The following ZNF469 variants were observed in gnomAD, a reference collection of about 807,000 sequenced individuals.
ZNF469 encodes the protein zinc finger protein 469.
ZNF469 carries 1 observed loss-of-function variant against 1.0 expected under a neutral mutation model. That is an observed-to-expected ratio of 1.00 (90% CI 0.35 to 4.73). ZNF469 has a LOEUF of 4.73. Ranked by LOEUF, ZNF469 falls within the 30% of genes most tolerant of loss-of-function variation. ZNF469 has a pLI of 0.16. For synonymous variants in ZNF469, 2,703 were observed against 2,363.4 expected (o/e 1.14, Z -4.17); for missense variants, 6,100 against 5,356.3 (o/e 1.14, Z -4.33).
chr16:88,331,643 A>ATCATCACCACCATCATCATCT, the ZNF469 span, among the ~76,000 whole-genome samples: 2 of 151,580 alleles, frequency 1.3e-5, no homozygotes, highest in African/African-American at 4.9e-5. Flanking sequence ...CACCGCCATC[A>ATCATCACCACCATCATCATCT]TCATCACCAC....
chr16:88,215,710 TA>T, the ZNF469 span, among the ~76,000 whole-genome samples: 19 of 151,432 alleles, frequency 1.3e-4, no homozygotes, highest in Non-Finnish European at 1.9e-4. Context: ...TTTAAATCAA[TA>T]AAAAAAAATT....
At chr16:88,313,495 C>G in the ZNF469 span, among the ~76,000 whole-genome samples, 19 of 151,944 alleles carry the variant, frequency 1.3e-4, no homozygotes, top group Non-Finnish European at 2.4e-4. Flanking sequence ...TGGACTGTCT[C>G]TGTAATTAAG....
chr16:88,177,705 CTTTTA>C, the ZNF469 span: 3 of 152,074 alleles, frequency 2.0e-5, no homozygotes, highest in Non-Finnish European at 4.4e-5. The surrounding 1 kb of genome is among the most constrained non-coding windows in gnomAD (Gnocchi z 4.8). Flanking sequence ...GGGCCTCGTA[CTTTTA>C]TTTTTTTATT....
At chr16:88,380,396 C>A (rs1183225588), upstream of ZNF469, among the ~76,000 whole-genome samples, 1,017 of 112,570 alleles carry the variant, frequency 9.0e-3, 49 homozygotes, top group Non-Finnish European at 0.012. Flanking sequence ...CACAGACACG[C>A]CCTCACACAG....
At chr16:88,280,545 G>T in the ZNF469 span, among the ~76,000 whole-genome samples, 1 of 151,310 alleles carries the variant, frequency 6.6e-6, no homozygotes, top group African/African-American at 2.4e-5. Flanking sequence ...GGTTGGTGCT[G>T]TGCCACGCTG....
At chr16:88,109,772 G>C in the ZNF469 span, among the ~76,000 whole-genome samples, 3 of 151,716 alleles carry the variant, frequency 2.0e-5, no homozygotes, top group African/African-American at 7.3e-5. Flanking sequence ...TCCGGGATCA[G>C]GAGGTGCTGT....
chr16:88,217,229 T>C, the ZNF469 span, among the ~76,000 whole-genome samples: 1 of 152,048 alleles, frequency 6.6e-6, no homozygotes, highest in Non-Finnish European at 1.5e-5. Context: ...TACCCTTCCT[T>C]GTGCTAGGAT....
the ZNF469 span, among the ~76,000 whole-genome samples, chr16:88,249,016 G>T: frequency 5.3e-5 from 8 of 152,112 alleles, no homozygotes; most frequent in East Asian, 1.9e-4. Context: ...GTCTTGCAAG[G>T]CCCCTGGCTG....
chr16:88,334,084 A>G, the ZNF469 span, among the ~76,000 whole-genome samples: 2 of 148,884 alleles, frequency 1.3e-5, no homozygotes, highest in Non-Finnish European at 3.0e-5. Flanking sequence ...GTGTGTGTCT[A>G]TGTGCATGTG....
chr16:88,381,682 G>A (rs761650792), upstream of ZNF469, among the ~76,000 whole-genome samples: 16 of 152,266 alleles, frequency 1.1e-4, no homozygotes, highest in Non-Finnish European at 2.1e-4. Flanking sequence ...TGTGAGCCAA[G>A]CCTCGAGCCT....
At chr16:88,148,059 C>T in the ZNF469 span, among the ~76,000 whole-genome samples, 1 of 151,728 alleles carries the variant, frequency 6.6e-6, no homozygotes, top group African/African-American at 2.4e-5. Flanking sequence ...TTGCACCCCG[C>T]TCTGCAGCCT....
intron 1 of ZNF469, among the ~76,000 whole-genome samples, chr16:88,413,649 G>A (rs965934306): frequency 9.2e-5 from 14 of 152,224 alleles, no homozygotes; most frequent in African/African-American, 3.4e-4. Flanking sequence ...AGTCAGTCCC[G>A]CCATTGCCTC....
the ZNF469 span, among the ~76,000 whole-genome samples, chr16:88,284,106 T>TGTGTCCGGA: frequency 5.6e-5 from 7 of 125,782 alleles, no homozygotes; most frequent in African/African-American, 2.4e-4. Context: ...AGACCCCGAG[T>TGTGTCCGGA]GTGCCTGAGG....
chr16:88,305,309 T>C, the ZNF469 span, among the ~76,000 whole-genome samples: 3 of 44,058 alleles, frequency 6.8e-5, no homozygotes, highest in East Asian at 1.2e-3. Flanking sequence ...CACCCTCACA[T>C]GCACACACAC....
At chr16:88,254,726 C>G in the ZNF469 span, among the ~76,000 whole-genome samples, 1 of 152,204 alleles carries the variant, frequency 6.6e-6, no homozygotes, top group East Asian at 1.9e-4. Flanking sequence ...TCATTGCACT[C>G]CAGCCTGGGT....
chr16:88,426,810 G>T lies in ZNF469; in HGVS notation c.-126-535G>T, dbSNP rs573631416. ...TCCCCGCTTGGAACCAGCCGCCCAG[G>T]CCCTGAGAGGTTCAGGTTGAGCCTC... On this transcript the variant is annotated intron_variant, in intron 2 of 2. Coordinates refer to ENST00000565624, the MANE Select transcript of ZNF469 (RefSeq NM_001367624.2). Among the ~76,000 whole-genome samples, 39 of 152,240 alleles carry T rather than the reference G, an allele frequency of 2.6e-4. No homozygotes were observed. In the South Asian group the frequency reaches 8.1e-3, roughly 32 times the overall value.
At chr16:88,208,795 ACACACACACTCTCTCTCT>A in the ZNF469 span, among the ~76,000 whole-genome samples, 11 of 38,260 alleles carry the variant, frequency 2.9e-4, 1 homozygote, top group African/African-American at 6.1e-4. Flanking sequence ...ACACACACAC[ACACACACACTCTCTCTCT>A]CTCTCTCTCT....
chr16:88,112,923 G>A, the ZNF469 span, among the ~76,000 whole-genome samples: 1 of 151,982 alleles, frequency 6.6e-6, no homozygotes, highest in Non-Finnish European at 1.5e-5. Context: ...GACTACAGGT[G>A]CCCGCCACCA....
chr16:88,340,205 T>A, the ZNF469 span, among the ~76,000 whole-genome samples: 1 of 151,824 alleles, frequency 6.6e-6, no homozygotes, highest in South Asian at 2.1e-4. Flanking sequence ...CACGGCAGCT[T>A]AAGGAGTTCA....
Sources: gnomAD v4.1 joint callset for allele counts (sites outside exome capture counted in the v4.1 genomes callset) on GRCh38, gnomAD v4.1.1 for gene constraint, Gnocchi (gnomAD v3.1) non-coding constraint, MANE v1.5 for transcripts, NCBI Gene and HGNC (gene_info 2026-07-23, HGNC 2026-07-21) for gene names.